The following MRPL1 variants were observed in gnomAD, a reference collection of about 807,000 sequenced individuals.
MRPL1 encodes large ribosomal subunit protein uL1m.
In MRPL1, 28 loss-of-function variants were observed where a neutral mutation model predicts 38.0. The ratio of observed to expected loss-of-function variants is 0.74; its 90% CI spans 0.55 to 1.01. MRPL1 has a LOEUF of 1.01. Among genes scored for constraint, MRPL1 ranks in the 50% least tolerant of loss-of-function variants. The pLI is 0.00. For synonymous variants in MRPL1, 123 were observed against 126.7 expected (o/e 0.97, Z 0.20); for missense variants, 358 against 389.8 (o/e 0.92, Z 0.69).
intron 7 of MRPL1, among the ~76,000 whole-genome samples, chr4:77,919,315 A>G (rs1736508568): frequency 1.3e-5 from 2 of 152,126 alleles, no homozygotes; most frequent in Admixed American, 1.3e-4. Context: ...GAACACTTCT[A>G]AGTGTAATCG....
chr4:77,872,295 AAATT>A (rs10650101), intron 2 of MRPL1, among the ~76,000 whole-genome samples: 2 of 151,892 alleles, frequency 1.3e-5, no homozygotes, highest in African/African-American at 2.4e-5. Context: ...TTTAATTAAG[AAATT>A]AATTTAATTT....
chr4:77,892,451 ACATT>A (rs1560463908), intron 5 of MRPL1, among the ~76,000 whole-genome samples: 3 of 152,108 alleles, frequency 2.0e-5, no homozygotes, highest in Non-Finnish European at 4.4e-5. Flanking sequence ...CTTAGATAAC[ACATT>A]CATTTATTAA....
chr4:77,904,643 G>A lies in MRPL1; in HGVS notation c.671-4623G>A, dbSNP rs140359878. On this transcript the variant is annotated intron_variant, in intron 6 of 8. Coordinates refer to ENST00000315567, the MANE Select transcript of MRPL1 (RefSeq NM_020236.4). ...TGTGAGACTTTATCATAGAGCTACA[G>A]TAATCAAGACAGTGTGGTATGGTAT... Among the ~76,000 whole-genome samples, 75 of 152,292 alleles carry A rather than the reference G, an allele frequency of 4.9e-4. No homozygotes were observed. The East Asian group carries it at 9.3e-3, about 19-fold the overall frequency.
At chr4:77,949,546 T>G (rs1253684938) in intron 7 of MRPL1, among the ~76,000 whole-genome samples, 2 of 151,910 alleles carry the variant, frequency 1.3e-5, no homozygotes, top group African/African-American at 4.8e-5. Flanking sequence ...TACTTGGAAG[T>G]CAAGGATTCT....
At chr4:77,867,396 A>G (rs1348059317) in intron 1 of MRPL1, among the ~76,000 whole-genome samples, 2 of 152,234 alleles carry the variant, frequency 1.3e-5, no homozygotes, top group East Asian at 1.9e-4. Context: ...TCTTCATTCA[A>G]CAAATGTTTA....
chr4:77,867,030 G>A, intron 1 of MRPL1, among the ~76,000 whole-genome samples: 1 of 152,064 alleles, frequency 6.6e-6, no homozygotes, highest in East Asian at 1.9e-4. Flanking sequence ...ACAGGCATGA[G>A]CCACCATGCC....
chr4:77,894,308 T>A, intron 6 of MRPL1, 58 bp downstream of exon 6: 3 of 1,105,470 alleles, frequency 2.7e-6, no homozygotes, highest in Non-Finnish European at 2.7e-6. Context: ...GAACTTTGCT[T>A]AGTTAGGAAA....
At chr4:77,899,622 C>CCTAA (rs1167538942) in intron 6 of MRPL1, among the ~76,000 whole-genome samples, 1 of 151,858 alleles carries the variant, frequency 6.6e-6, no homozygotes, top group African/African-American at 2.4e-5. Flanking sequence ...TGTATGCAGT[C>CCTAA]CTAACTCACC....
chr4:77,907,367 T>G (rs1736179551), intron 6 of MRPL1, among the ~76,000 whole-genome samples: 1 of 152,182 alleles, frequency 6.6e-6, no homozygotes, highest in South Asian at 2.1e-4. Context: ...ATTTTTCTCC[T>G]TACTATATTT....
intron 7 of MRPL1, among the ~76,000 whole-genome samples, chr4:77,912,379 C>G (rs893052923): frequency 6.6e-6 from 1 of 151,978 alleles, no homozygotes; most frequent in African/African-American, 2.4e-5. Flanking sequence ...AAGGTAGAAG[C>G]TCAATGTACA....
chr4:77,892,071 T>G (rs1578044799), intron 5 of MRPL1, among the ~76,000 whole-genome samples: 1 of 152,228 alleles, frequency 6.6e-6, no homozygotes, highest in African/African-American at 2.4e-5. Flanking sequence ...TAAATTAGTT[T>G]ATCATTTTGC....
intron 7 of MRPL1, among the ~76,000 whole-genome samples, chr4:77,942,873 T>G (rs1737167875): frequency 6.6e-6 from 1 of 152,226 alleles, no homozygotes; most frequent in Non-Finnish European, 1.5e-5. Context: ...CCACTTACAT[T>G]CAACATTAGT....
Position 77,885,386 on chromosome 4 carries a change from G to A in MRPL1, c.486+47G>A, listed in dbSNP as rs776870073. On this transcript the variant is annotated intron_variant, in intron 4 of 8. Transcript: ENST00000315567. ...TTTATATCATTTAATTTTTTTTTTT[G>A]AGACGGAGTCTCACTCTGTCACCAG... 4.4e-6 allele frequency: 6 copies of A among 1,364,670 alleles called. No individual in the cohort carries two copies. In the South Asian group the frequency reaches 7.1e-5, roughly 16 times the overall value. The allele number at this position is 1,364,670 out of a possible 1,614,324, so 84.5% of individuals were successfully genotyped here. A position where few individuals can be genotyped will look rare whatever the true frequency, so the allele number is the denominator to read the frequency against.
intron 7 of MRPL1, among the ~76,000 whole-genome samples, chr4:77,938,347 T>C (rs941720820): frequency 1.1e-4 from 16 of 152,228 alleles, no homozygotes; most frequent in Admixed American, 9.8e-4. Flanking sequence ...AGATCAGATA[T>C]ACCATTTATC....
At chr4:77,896,325 C>T (rs1735911699) in intron 6 of MRPL1, among the ~76,000 whole-genome samples, 1 of 152,120 alleles carries the variant, frequency 6.6e-6, no homozygotes, top group Non-Finnish European at 1.5e-5. Flanking sequence ...TGCAACTTCA[C>T]ATATCATGGT....
chr4:77,865,971 T>C (rs1224434760), intron 1 of MRPL1, among the ~76,000 whole-genome samples: 1 of 152,236 alleles, frequency 6.6e-6, no homozygotes, highest in Non-Finnish European at 1.5e-5. Flanking sequence ...CCACTATTTA[T>C]TGAGCACTTC....
At chr4:77,883,066 A>G (rs1735580769) in intron 2 of MRPL1, among the ~76,000 whole-genome samples, 176 bp from the exon 3 acceptor site, 1 of 152,224 alleles carries the variant, frequency 6.6e-6, no homozygotes, top group Non-Finnish European at 1.5e-5. Context: ...GACTTCAGAC[A>G]TTGGAAAAGT....
chr4:77,881,911 C>A (rs1183469178), intron 2 of MRPL1, among the ~76,000 whole-genome samples: 1 of 152,108 alleles, frequency 6.6e-6, no homozygotes, highest in Non-Finnish European at 1.5e-5. Context: ...AGCCAGAATA[C>A]CTTGCCTAAA....
intron 1 of MRPL1, chr4:77,864,815 CTT>C (rs1232957033): frequency 1.3e-5 from 2 of 151,360 alleles, no homozygotes; most frequent in African/African-American, 4.9e-5. Context: ...AGCTACTGTT[CTT>C]TTTAGGTATT....
Sources: gnomAD v4.1 joint callset for allele counts (sites outside exome capture counted in the v4.1 genomes callset) on GRCh38, gnomAD v4.1.1 for gene constraint, MANE v1.5 for transcripts, NCBI Gene and HGNC (gene_info 2026-07-23, HGNC 2026-07-21) for gene names.